The following DHRSX variants were observed in gnomAD, a reference collection of about 807,000 sequenced individuals.
The protein encoded by DHRSX is polyprenol dehydrogenase.
Under a neutral mutation model 34.0 loss-of-function variants are expected in DHRSX, and 31 were observed. That is an observed-to-expected ratio of 0.91 (90% CI 0.69 to 1.23). DHRSX has a LOEUF of 1.23. Ranked by LOEUF, DHRSX falls within the 50% of genes most tolerant of loss-of-function variation. The pLI, the probability that DHRSX is intolerant of heterozygous loss-of-function variation, is 0.00. For synonymous variants in DHRSX, 201 were observed against 183.8 expected, an observed-to-expected ratio of 1.09 and a Z score of -0.76; for missense variants, 414 against 428.1, an observed-to-expected ratio of 0.97 and a Z score of 0.29.
At chrX:2,300,128 C>T (rs1166723250) in intron 3 of DHRSX, among the ~76,000 whole-genome samples, 1 of 152,138 alleles carries the variant, frequency 6.6e-6, no homozygotes, top group Non-Finnish European at 1.5e-5. Flanking sequence ...AACTGTACCT[C>T]CCTAAAAAAT....
chrX:2,437,629 G>A (rs1424618168), intron 1 of DHRSX, among the ~76,000 whole-genome samples: 1 of 149,176 alleles, frequency 6.7e-6, no homozygotes, highest in Non-Finnish European at 1.5e-5. Flanking sequence ...AGAAAAAAAA[G>A]CATCATTTCA....
intron 3 of DHRSX, among the ~76,000 whole-genome samples, chrX:2,325,335 C>CAGGAACT (rs2124538855): frequency 6.7e-6 from 1 of 150,226 alleles, no homozygotes; most frequent in South Asian, 2.1e-4. Context: ...ATCTTCCCGG[C>CAGGAACT]AGGAACTAGG....
chrX:2,449,909 G>A (rs975808319), intron 1 of DHRSX, among the ~76,000 whole-genome samples: 7 of 152,034 alleles, frequency 4.6e-5, no homozygotes, highest in Non-Finnish European at 7.4e-5. Flanking sequence ...CTGGGATTAC[G>A]GGCGTGAGCC....
In DHRSX at chrX:2,408,779, TACA is replaced by T; in HGVS notation, c.249_251del (p.Val84del). Reference sequence around the variant, plus strand: ...TCAAGGTTTCTTCTTTTATTTTGCTTACAACTTGTTTGGCTTTGCTGTCATTAT... The same window carrying T: ...TCAAGGTTTCTTCTTTTATTTTGCTTACTTGTTTGGCTTTGCTGTCATTAT... On this transcript the variant is annotated inframe_deletion, in exon 3 of 7. Coordinates refer to ENST00000334651, the MANE Select transcript of DHRSX (RefSeq NM_145177.3). 6.2e-7 allele frequency: 1 copy of T among 1,612,966 alleles called. No individual in the cohort carries two copies. The highest frequency in any genetic ancestry group is 1.1e-5 in the South Asian group (1 of 90,872).
intron 6 of DHRSX, among the ~76,000 whole-genome samples, chrX:2,221,775 CTG>C (rs1418462833): frequency 6.6e-6 from 1 of 152,116 alleles, no homozygotes; most frequent in Non-Finnish European, 1.5e-5. Context: ...TTTTCAAAGA[CTG>C]GGGATTTTAC....
At chrX:2,340,073 G>A (rs866991216) in intron 3 of DHRSX, among the ~76,000 whole-genome samples, 6 of 151,700 alleles carry the variant, frequency 4.0e-5, no homozygotes, top group Middle Eastern at 3.4e-3. Flanking sequence ...ATTCTTCTCA[G>A]CAAACTAACA....
chrX:2,423,243 T>A (rs2043803273), intron 2 of DHRSX, among the ~76,000 whole-genome samples: 1 of 151,668 alleles, frequency 6.6e-6, no homozygotes, highest in South Asian at 2.1e-4. Context: ...CAAAACCCCA[T>A]CTCTACTAAA....
chrX:2,276,242 A>C (rs947383096), intron 4 of DHRSX, among the ~76,000 whole-genome samples: 12 of 152,208 alleles, frequency 7.9e-5, no homozygotes, highest in Non-Finnish European at 1.6e-4. Flanking sequence ...CACAAGTTTT[A>C]ATCATCAGCA....
chrX:2,358,680 C>T (rs35685746), intron 3 of DHRSX, among the ~76,000 whole-genome samples: 3 of 151,904 alleles, frequency 2.0e-5, no homozygotes, highest in Non-Finnish European at 2.9e-5. Flanking sequence ...ATTTCATAGA[C>T]GAGGAAAATG....
At chrX:2,345,384 TATAATCCCA>T (rs1487450820) in intron 3 of DHRSX, among the ~76,000 whole-genome samples, 2,492 of 151,928 alleles carry the variant, frequency 0.016, 79 homozygotes, top group African/African-American at 0.057. Context: ...GGCTCACACC[TATAATCCCA>T]GCACTTTGGG....
intron 1 of DHRSX, among the ~76,000 whole-genome samples, chrX:2,479,251 C>T (rs2044731544): frequency 6.6e-6 from 1 of 150,966 alleles, no homozygotes; most frequent in African/African-American, 2.4e-5. Context: ...GGCTAAGGGA[C>T]CACCACCATG....
At chrX:2,283,893 C>T (rs73185745) in intron 4 of DHRSX, among the ~76,000 whole-genome samples, 24,278 of 150,654 alleles carry the variant, frequency 0.16, 2,661 homozygotes, top group Non-Finnish European at 0.23. Flanking sequence ...CCTTTGAATT[C>T]GTTCATTCCT....
chrX:2,500,920 C>G lies in DHRSX; in HGVS notation c.6G>C (p.Ser2=). ...GGGCCGCCCGCGCCGCAGACAATGG[C>G]GACATGGCTGCCCCGGCCGCGCCGC... M[S]PLSAARAALR... The change falls in exon 1 of 7, where the codon TCG becomes TCC. Residue 2 remains serine, a synonymous_variant. Coordinates refer to ENST00000334651, the MANE Select transcript of DHRSX (RefSeq NM_145177.3). 2.7e-6 allele frequency: 3 copies of G among 1,092,146 alleles called. No individual in the cohort carries two copies. The highest frequency in any genetic ancestry group is 3.3e-6 in the Non-Finnish European group (3 of 899,006). 67.7% of individuals were successfully genotyped at this position (1,092,146 alleles called of 1,614,324 possible).
At chrX:2,488,778 A>G in intron 1 of DHRSX, 1 of 1,613,870 alleles carries the variant, frequency 6.2e-7, no homozygotes, top group South Asian at 1.1e-5. Flanking sequence ...GCGTTCTCAT[A>G]CAGAAACACC....
intron 2 of DHRSX, among the ~76,000 whole-genome samples, chrX:2,424,972 T>C (rs2043823698): frequency 6.6e-6 from 1 of 151,910 alleles, no homozygotes; most frequent in African/African-American, 2.4e-5. Flanking sequence ...AAACTCTGTC[T>C]CTACTAAAAA....
chrX:2,369,795 C>G (rs2043035936), intron 3 of DHRSX, among the ~76,000 whole-genome samples: 1 of 140,074 alleles, frequency 7.1e-6, no homozygotes. Context: ...TAAGCCACAG[C>G]ACCCAGCCCC....
chrX:2,313,765 C>T (rs34801472), intron 3 of DHRSX, among the ~76,000 whole-genome samples: 64,366 of 151,828 alleles, frequency 0.42, 14,583 homozygotes, highest in Non-Finnish European at 0.51. Flanking sequence ...GTGACACAGC[C>T]CTCAGGAGAT....
intron 3 of DHRSX, among the ~76,000 whole-genome samples, chrX:2,401,966 C>G (rs2043491232): frequency 6.6e-6 from 1 of 152,206 alleles, no homozygotes; most frequent in African/African-American, 2.4e-5. Context: ...TTCCCATGCC[C>G]TGCCCAGCGT....
At chrX:2,377,395 A>G (rs956664711) in intron 3 of DHRSX, among the ~76,000 whole-genome samples, 46 of 151,630 alleles carry the variant, frequency 3.0e-4, no homozygotes, top group Non-Finnish European at 6.5e-4. Flanking sequence ...TTAGATTCTC[A>G]TAAGAAGCAT....
Sources: allele counts gnomAD v4.1 joint callset (sites outside exome capture counted in the v4.1 genomes callset), GRCh38; gene constraint gnomAD v4.1.1; transcripts MANE v1.5; gene names NCBI Gene and HGNC (gene_info 2026-07-23, HGNC 2026-07-21).